CTNNA3: variants seen among roughly 807,000 people sequenced by gnomAD.
CTNNA3 encodes catenin alpha-3.
Under a neutral mutation model 95.7 loss-of-function variants are expected in CTNNA3, and 76 were observed. The observed-to-expected ratio is 0.79, with a 90% CI of 0.66 to 0.96. The LOEUF (loss-of-function observed/expected upper bound fraction) is 0.96. Among genes scored for constraint, CTNNA3 ranks in the 40% least tolerant of loss-of-function variants. CTNNA3 has a pLI of 0.00. For synonymous variants in CTNNA3, 431 were observed against 374.4 expected (o/e 1.15, Z -1.74); for missense variants, 1,191 against 1,089.8 (o/e 1.09, Z -1.31).
At chr10:67,139,299 A>ATTTT (rs60290459) in intron 7 of CTNNA3, among the ~76,000 whole-genome samples, 1 of 117,916 alleles carries the variant, frequency 8.5e-6, no homozygotes, top group African/African-American at 3.3e-5. Context: ...CGCCCGGCTA[A>ATTTT]TTTTTTTTTT....
chr10:67,167,241 T>C (rs1035529947), intron 7 of CTNNA3, among the ~76,000 whole-genome samples: 7 of 152,150 alleles, frequency 4.6e-5, no homozygotes, highest in African/African-American at 1.4e-4. Flanking sequence ...GTGGGAACCA[T>C]ATAAAATTTT....
intron 5 of CTNNA3, among the ~76,000 whole-genome samples, chr10:67,253,766 T>C (rs538812064): frequency 3.2e-4 from 48 of 152,256 alleles, no homozygotes; most frequent in African/African-American, 1.1e-3. Context: ...ACGATGGTGA[T>C]GATGAACCAT....
chr10:67,726,399 ATAT>A (rs1438441399), intron 1 of CTNNA3, among the ~76,000 whole-genome samples: 1 of 64,084 alleles, frequency 1.6e-5, no homozygotes, highest in Non-Finnish European at 2.3e-5. Context: ...TATATATTAT[ATAT>A]TATATCATAT....
At position 66,161,313 on chromosome 10, in the gene CTNNA3, A is replaced by T. The variant is rs138676835; in HGVS notation, c.1885-58064T>A. Among the ~76,000 whole-genome samples the T allele has an allele frequency of 5.0e-3, 760 of 152,192 alleles. 2 individuals carry two copies. Among genetic ancestry groups the T allele is most frequent in the Non-Finnish European group, 7.5e-3 (512 of 67,982 alleles). ...AGGTCCTGTGTGATTTATGGTTTAA[A>T]GAGGTTCTGTTTTGATATGTTTCCA... is the stretch of plus-strand genomic sequence containing the variant. On this transcript the variant is annotated intron_variant, in intron 13 of 17. Coordinates refer to ENST00000433211, the MANE Select transcript of CTNNA3 (RefSeq NM_013266.4).
intron 5 of CTNNA3, among the ~76,000 whole-genome samples, chr10:67,489,351 C>A (rs555525983): frequency 2.2e-4 from 34 of 152,274 alleles, no homozygotes; most frequent in South Asian, 1.9e-3. Flanking sequence ...CTCACCCAAG[C>A]CACCTCTGCA....
At chr10:66,555,515 T>C (rs1333522449) in intron 10 of CTNNA3, among the ~76,000 whole-genome samples, 2 of 152,126 alleles carry the variant, frequency 1.3e-5, no homozygotes, top group African/African-American at 4.8e-5. Context: ...TTCCGTATTT[T>C]ATCTGGTACC....
chr10:66,585,180 A>G (rs1843318230), intron 10 of CTNNA3, among the ~76,000 whole-genome samples: 1 of 151,970 alleles, frequency 6.6e-6, no homozygotes, highest in South Asian at 2.1e-4. Flanking sequence ...TGTTTTTGCA[A>G]TGAGTCTCTC....
intron 2 of CTNNA3, among the ~76,000 whole-genome samples, chr10:67,639,028 T>TAG (rs1839426282): frequency 1.3e-5 from 2 of 151,894 alleles, no homozygotes; most frequent in African/African-American, 4.8e-5. Flanking sequence ...CTGAAGGAAA[T>TAG]AGACACATAA....
At chr10:66,068,546 T>A (rs1275303019) in intron 15 of CTNNA3, among the ~76,000 whole-genome samples, 2 of 152,184 alleles carry the variant, frequency 1.3e-5, no homozygotes, top group East Asian at 3.8e-4. Flanking sequence ...TTTTGGGGTA[T>A]AAATGAATGT....
chr10:66,293,244 A>T (rs2091716324), intron 12 of CTNNA3, among the ~76,000 whole-genome samples: 1 of 152,162 alleles, frequency 6.6e-6, no homozygotes, highest in Admixed American at 6.5e-5. Flanking sequence ...GAAAATGTAG[A>T]TTTTAATTAT....
Position 66,748,829 on chromosome 10 carries a change from C to T in CTNNA3, c.1281+17435G>A, listed in dbSNP as rs151089942. ...ACCACAGCGGTGCATTTGTTACAAT[C>T]GATGAACACTGACACTTCATTATCA... On this transcript the variant is annotated intron_variant, in intron 9 of 17. Transcript: ENST00000433211. Among the ~76,000 whole-genome samples, 1,056 of 152,088 alleles carry T rather than the reference C, an allele frequency of 6.9e-3. 7 individuals carry two copies. The highest frequency in any genetic ancestry group is 0.024 in the African/African-American group (1,004 of 41,474).
intron 3 of CTNNA3, among the ~76,000 whole-genome samples, chr10:67,566,102 T>C (rs1841786368): frequency 1.0e-5 from 1 of 100,252 alleles, no homozygotes; most frequent in Non-Finnish European, 2.0e-5. Context: ...ATTCAGGACA[T>C]AGGCATAGGC....
At chr10:67,475,312 G>C (rs899824607) in intron 5 of CTNNA3, among the ~76,000 whole-genome samples, 8 of 152,300 alleles carry the variant, frequency 5.3e-5, no homozygotes, top group African/African-American at 1.9e-4. Context: ...GTGGGTGGTA[G>C]AACTGTTCCA....
At chr10:66,667,692 G>A (rs1846505253) in intron 9 of CTNNA3, among the ~76,000 whole-genome samples, 1 of 152,018 alleles carries the variant, frequency 6.6e-6, no homozygotes, top group African/African-American at 2.4e-5. Flanking sequence ...TAATAATTCT[G>A]TGCTGGCTCA....
intron 5 of CTNNA3, among the ~76,000 whole-genome samples, chr10:67,391,079 T>C (rs919430713): frequency 6.7e-6 from 1 of 150,350 alleles, no homozygotes; most frequent in African/African-American, 2.4e-5. Context: ...GAGAAGGAAA[T>C]AAAGGGTATT....
At chr10:65,984,996 G>T (rs1056216735) in intron 16 of CTNNA3, among the ~76,000 whole-genome samples, 2 of 150,466 alleles carry the variant, frequency 1.3e-5, no homozygotes, top group Non-Finnish European at 3.0e-5. Flanking sequence ...CTAAAAAAAA[G>T]GATTAATAAA....
chr10:66,587,229 G>T (rs1843389056), intron 10 of CTNNA3, among the ~76,000 whole-genome samples: 2 of 152,164 alleles, frequency 1.3e-5, no homozygotes, highest in Non-Finnish European at 2.9e-5. Flanking sequence ...ACTGGCAATG[G>T]CAATAGCTGA....
chr10:67,671,629 G>GACAA (rs1840436047), intron 1 of CTNNA3, among the ~76,000 whole-genome samples: 2 of 151,130 alleles, frequency 1.3e-5, no homozygotes, highest in South Asian at 4.2e-4. Flanking sequence ...TTGTCCTTGC[G>GACAA]ATAGTTTGCT....
intron 7 of CTNNA3, among the ~76,000 whole-genome samples, chr10:66,817,196 C>T (rs1842121915): frequency 6.6e-6 from 1 of 151,900 alleles, no homozygotes; most frequent in Non-Finnish European, 1.5e-5. Context: ...CAAACACCAC[C>T]TGTTTCCCAA....
Sources: allele counts gnomAD v4.1 joint callset (sites outside exome capture counted in the v4.1 genomes callset), GRCh38; gene constraint gnomAD v4.1.1; transcripts MANE v1.5; gene names NCBI Gene and HGNC (gene_info 2026-07-23, HGNC 2026-07-21).